FBXL13: variants seen among roughly 807,000 people sequenced by gnomAD.
FBXL13 encodes F-box and leucine-rich repeat protein 13.
A neutral mutation model predicts 83.6 loss-of-function variants in FBXL13; 67 were observed. The observed-to-expected ratio is 0.80, with a 90% CI of 0.66 to 0.98. The LOEUF (loss-of-function observed/expected upper bound fraction) is 0.98, where lower values mean the gene tolerates loss of function less well. Ranked by LOEUF, FBXL13 falls within the 50% of genes least tolerant of loss-of-function variation. The pLI is 0.00. For synonymous variants in FBXL13, 272 were observed against 299.5 expected (o/e 0.91, Z 0.95); for missense variants, 822 against 866.5 (o/e 0.95, Z 0.64).
intron 12 of FBXL13, 39 bp from the exon 14 acceptor site, chr7:102,883,724 A>G (rs1211207566): frequency 7.6e-7 from 1 of 1,307,480 alleles, no homozygotes; most frequent in Non-Finnish European, 1.1e-6. Context: ...TCAAGTGTAC[A>G]GAACAGGTTT....
chr7:102,876,828 T>C (rs898378403), intron 16 of FBXL13, among the ~76,000 whole-genome samples: 14 of 152,320 alleles, frequency 9.2e-5, no homozygotes, highest in African/African-American at 3.1e-4. Flanking sequence ...TGTCTTCCTA[T>C]ATCCCTCCAA....
At chr7:102,961,673 A>G (rs1825234451) in intron 8 of FBXL13, among the ~76,000 whole-genome samples, 3 of 151,712 alleles carry the variant, frequency 2.0e-5, no homozygotes. Flanking sequence ...GCCCTCAGAA[A>G]TAACGCTGCA....
chr7:102,900,002 A>C (rs1335851924), intron 11 of FBXL13, among the ~76,000 whole-genome samples: 1 of 151,732 alleles, frequency 6.6e-6, no homozygotes, highest in Non-Finnish European at 1.5e-5. Flanking sequence ...AACCGAGATC[A>C]CACCACTGTA....
intron 17 of FBXL13, among the ~76,000 whole-genome samples, chr7:102,853,848 G>T (rs867049461): frequency 1.3e-5 from 2 of 152,128 alleles, no homozygotes; most frequent in East Asian, 3.9e-4. Context: ...TTAGAATGGC[G>T]ATCATTAAAA....
chr7:103,066,011 C>T (rs548638906), intron 1 of FBXL13, among the ~76,000 whole-genome samples: 226 of 152,208 alleles, frequency 1.5e-3, no homozygotes, highest in Non-Finnish European at 2.6e-3. Flanking sequence ...AGTCCCTCTC[C>T]CTCCAGGGTC....
At chr7:103,049,880 C>T (rs558314007) in intron 2 of FBXL13, 1 of 152,058 alleles carries the variant, frequency 6.6e-6, no homozygotes, top group Non-Finnish European at 1.5e-5. Context: ...GGAAGAGAAT[C>T]AAAAAATGGC....
rs369813883 is a variant in FBXL13 at position 102,878,398 on chromosome 7, T to A, written c.1441A>T (p.Ile481Leu). Residue 481 changes from isoleucine to leucine, a missense_variant, in exon 15 of 20, where the codon ATA (isoleucine) becomes TTA (leucine). Physicochemically the swap from Ile to Leu is conservative, Grantham distance 5. Transcript: ENST00000313221. ...CAGTTGCTTAAATTTAGCTCTCTTA[T>A]CCTCATGCTTGCAGGACCATCAAGA... 12 of 1,610,082 alleles carry A rather than the reference T, an allele frequency of 7.5e-6. No individual in the cohort carries two copies. The African/African-American group carries it at 1.3e-4, about 18-fold the overall frequency.
chr7:102,890,366 C>G (rs1811379732), intron 11 of FBXL13, among the ~76,000 whole-genome samples: 1 of 152,194 alleles, frequency 6.6e-6, no homozygotes. Flanking sequence ...CATTTTGACA[C>G]CAACTGGAGC....
chr7:103,027,532 T>C (rs1406152212), exon 5 of FBXL13: 7 of 1,612,546 alleles, frequency 4.3e-6, no homozygotes, highest in African/African-American at 1.3e-5. Flanking sequence ...TGACAATAGA[T>C]GATCTGTTGT....
At chr7:103,040,579 A>T (rs146874139) in intron 2 of FBXL13, among the ~76,000 whole-genome samples, 25 of 152,232 alleles carry the variant, frequency 1.6e-4, no homozygotes, top group Admixed American at 5.9e-4. Flanking sequence ...TGGTAGTAAA[A>T]CACTCCTCAC....
intron 6 of FBXL13, among the ~76,000 whole-genome samples, chr7:103,008,559 C>T (rs1344015820): frequency 6.6e-6 from 1 of 151,732 alleles, no homozygotes; most frequent in Non-Finnish European, 1.5e-5. Context: ...ATATAATTGA[C>T]TTTTTTTTTC....
chr7:103,052,207 C>T (rs1796886244), intron 2 of FBXL13, among the ~76,000 whole-genome samples: 1 of 152,094 alleles, frequency 6.6e-6, no homozygotes, highest in Non-Finnish European at 1.5e-5. Flanking sequence ...TGGAAAACCA[C>T]ATAGGAAAGG....
intron 17 of FBXL13, among the ~76,000 whole-genome samples, chr7:102,834,110 G>GA (rs1460722643): frequency 0.018 from 2,038 of 112,602 alleles, 114 homozygotes; most frequent in East Asian, 0.1. Context: ...AAGAAAGAAA[G>GA]AAAGAAAGAA....
intron 14 of FBXL13, among the ~76,000 whole-genome samples, chr7:102,881,066 A>G: frequency 6.6e-6 from 1 of 152,226 alleles, no homozygotes; most frequent in Non-Finnish European, 1.5e-5. Flanking sequence ...TATTGAAAAT[A>G]TATTTAATCA....
intron 1 of FBXL13, among the ~76,000 whole-genome samples, chr7:103,071,608 G>A (rs1457332233): frequency 6.7e-6 from 1 of 149,204 alleles, no homozygotes; most frequent in Non-Finnish European, 1.5e-5. Context: ...ATGTTACCGA[G>A]GCTGGTCTTG....
chr7:102,828,287 G>A (rs1047092505), intron 18 of FBXL13, among the ~76,000 whole-genome samples: 11 of 151,840 alleles, frequency 7.2e-5, no homozygotes, highest in African/African-American at 2.4e-4. Context: ...TCTCCTTGAA[G>A]AGGTCCTTCA....
At position 103,071,194 on chromosome 7, in the gene FBXL13, A is replaced by G. The variant is rs1055560642; in HGVS notation, c.-105+3052T>C. Reference sequence around the variant, plus strand: ...AAAAGCAGAAGAGATCAAAAGAGGCATGTAGAACAAGGTAAAGAAAAAGAA... The same window carrying G: ...AAAAGCAGAAGAGATCAAAAGAGGCGTGTAGAACAAGGTAAAGAAAAAGAA... On this transcript the variant is annotated intron_variant, in intron 1 of 19. Coordinates refer to ENST00000313221, the Ensembl canonical transcript of FBXL13. Among the ~76,000 whole-genome samples, 8 of 152,206 alleles carry G rather than the reference A, an allele frequency of 5.3e-5. No individual in the cohort carries two copies. The South Asian group carries it at 8.3e-4, about 16-fold the overall frequency.
At chr7:102,975,889 A>C (rs1166083959) in intron 6 of FBXL13, 1 of 743,786 alleles carries the variant, frequency 1.3e-6, no homozygotes, top group Non-Finnish European at 2.5e-6. Context: ...CTCCTCCATC[A>C]GGGGCCCTGC....
intron 6 of FBXL13, among the ~76,000 whole-genome samples, chr7:102,991,530 T>G (rs1159070944): frequency 6.6e-6 from 1 of 152,126 alleles, no homozygotes; most frequent in East Asian, 1.9e-4. Context: ...GTCAAACACA[T>G]TTTTAGACAT....
Sources: allele counts gnomAD v4.1 joint callset (sites outside exome capture counted in the v4.1 genomes callset), GRCh38; gene constraint gnomAD v4.1.1; transcripts MANE v1.5; gene names NCBI Gene and HGNC (gene_info 2026-07-23, HGNC 2026-07-21).